The following COL4A6 variants were observed in gnomAD, a reference collection of about 807,000 sequenced individuals.
COL4A6 encodes collagen type IV alpha 6 chain, also known as collagen alpha-6(IV) chain.
Under a neutral mutation model 126.7 loss-of-function variants are expected in COL4A6, and 59 were observed. The observed-to-expected ratio is 0.47, with a 90% CI of 0.38 to 0.58. The LOEUF (loss-of-function observed/expected upper bound fraction) is 0.58. COL4A6 is among the 20% of genes least tolerant of loss of function. The probability of loss-of-function intolerance (pLI) is 0.00; values close to 1 mark genes in which losing one functional copy is unlikely to be tolerated. For synonymous variants in COL4A6, 547 were observed against 496.6 expected, an observed-to-expected ratio of 1.10 and a Z score of -1.35; for missense variants, 1,285 against 1,337.3, an observed-to-expected ratio of 0.96 and a Z score of 0.61.
chrX:108,351,436 C>G (rs1334620774), intron 2 of COL4A6, among the ~76,000 whole-genome samples: 41 of 82,265 alleles, frequency 5.0e-4, no homozygotes, highest in African/African-American at 2.0e-3. Flanking sequence ...AGGTAACTCT[C>G]TCTCTCTGTG....
In COL4A6 at chrX:108,438,389, C is replaced by A. The variant is rs2064313494; in HGVS notation, c.-193G>T. On this transcript the variant is annotated 5_prime_UTR_variant, in exon 1 of 45. Coordinates refer to ENST00000334504, the MANE Select transcript of COL4A6 (RefSeq NM_033641.4). ...GTGCTCCAAAGGGAAACAGGCTCAG[C>A]GGTGCCCGTTACAACTTGCAGCACT... The A allele has an allele frequency of 1.9e-6, 2 of 1,048,581 alleles. No homozygotes were observed. Among genetic ancestry groups the A allele is most frequent in the East Asian group, 7.2e-5 (2 of 27,881 alleles). 86.4% of individuals were successfully genotyped at this position (1,048,581 alleles called of 1,213,427 possible).
At chrX:108,427,168 C>T (rs1053929769) in intron 2 of COL4A6, among the ~76,000 whole-genome samples, 2 of 111,595 alleles carry the variant, frequency 1.8e-5, no homozygotes, top group South Asian at 3.8e-4. Flanking sequence ...TGAGGAGTTA[C>T]GGAGCAAGTA....
At chrX:108,187,036 A>T in intron 23 of COL4A6, 60 bp downstream of exon 23, 3 of 980,912 alleles carry the variant, frequency 3.1e-6, no homozygotes, top group Non-Finnish European at 4.0e-6. Context: ...CACCTGAGTC[A>T]TAACCACTCT....
At chrX:108,175,288 AT>A in intron 29 of COL4A6, 73 bp from the exon 30 acceptor site, 1 of 1,061,395 alleles carries the variant, frequency 9.4e-7, no homozygotes, top group Non-Finnish European at 1.2e-6. Flanking sequence ...CTTTCACATC[AT>A]TTCTTCCCAT....
intron 13 of COL4A6, among the ~76,000 whole-genome samples, chrX:108,201,779 G>T (rs1320362835): frequency 1.8e-5 from 2 of 111,233 alleles, no homozygotes. Context: ...ACCATCTCTT[G>T]CCTGGACTAC....
chrX:108,351,440 C>CTG (rs574111228), intron 2 of COL4A6, among the ~76,000 whole-genome samples: 2,582 of 97,778 alleles, frequency 0.026, 44 homozygotes, highest in African/African-American at 0.064. Context: ...AACTCTCTCT[C>CTG]TCTGTGTGTG....
rs1201978375 is a variant in COL4A6 at position 108,178,784 on chromosome X, T to C, written c.2415A>G (p.Pro805=). 1 of 1,211,846 alleles carries C rather than the reference T, an allele frequency of 8.3e-7. No individual in the cohort carries two copies. Among genetic ancestry groups the C allele is most frequent in the Admixed American group, 2.2e-5 (1 of 46,116 alleles). ...PKGERGSPGT[P]GQVGQPGTPG... ...GGGTGCCTGGCTGTCCCACCTGTCC[T>C]GGTGTCCCAGGGCTGCCCCGCTCAC... is the stretch of plus-strand genomic sequence containing the variant. Residue 805 remains proline (P), a synonymous_variant, in exon 27 of 45, where the codon CCA becomes CCG. Coordinates refer to ENST00000334504, the MANE Select transcript of COL4A6 (RefSeq NM_033641.4).
rs751086905 is a variant in COL4A6 at position 108,409,759 on chromosome X, C to T, written c.63+28183G>A. 5.4e-5 allele frequency among the ~76,000 whole-genome samples: 6 copies of T among 112,126 alleles called. No homozygotes were observed. In the Admixed American group the frequency reaches 5.6e-4, roughly 11 times the overall value. On this transcript the variant is annotated intron_variant, in intron 2 of 44. Coordinates refer to ENST00000334504, the MANE Select transcript of COL4A6 (RefSeq NM_033641.4). ...ATCAGGCAGAGAATGGGTTGGATGACGAATGTCTTGCTGAAAGCTATGCCC... is the reference window on the plus strand; with the variant it reads ...ATCAGGCAGAGAATGGGTTGGATGATGAATGTCTTGCTGAAAGCTATGCCC...
At chrX:108,398,658 A>ATAGG (rs1359935451) in intron 2 of COL4A6, among the ~76,000 whole-genome samples, 4 of 111,328 alleles carry the variant, frequency 3.6e-5, no homozygotes, top group African/African-American at 1.3e-4. Flanking sequence ...AATAGGACCT[A>ATAGG]TAGGATTACC....
chrX:108,412,634 TC>T (rs2041354989), intron 2 of COL4A6, among the ~76,000 whole-genome samples: 1 of 111,808 alleles, frequency 8.9e-6, no homozygotes, highest in South Asian at 3.7e-4. Context: ...CTTTGTCTCT[TC>T]TGTTGCCTTC....
chrX:108,330,554 A>G (rs1321414010), intron 2 of COL4A6, among the ~76,000 whole-genome samples: 2 of 111,384 alleles, frequency 1.8e-5, no homozygotes, highest in Non-Finnish European at 3.8e-5. Context: ...CAAACTAAGT[A>G]CTGATAGAGC....
intron 2 of COL4A6, among the ~76,000 whole-genome samples, chrX:108,408,700 G>A (rs1236900981): frequency 1.8e-5 from 2 of 111,659 alleles, no homozygotes; most frequent in African/African-American, 3.3e-5. Flanking sequence ...GGTGGCTCAC[G>A]CCTGTAATCC....
In COL4A6 at chrX:108,183,511, G is replaced by A. The variant is rs968317657; in HGVS notation, c.1952-2543C>T. Among the ~76,000 whole-genome samples the A allele has an allele frequency of 5.4e-5, 6 of 111,459 alleles. No individual in the cohort carries two copies. In the South Asian group the frequency reaches 1.2e-3, roughly 21 times the overall value. ...AGAGACTGCATGCCCACTCAATCCCGTACTGCCTGCTGTAAGAGGTATGTG... is the reference window on the plus strand; with the variant it reads ...AGAGACTGCATGCCCACTCAATCCCATACTGCCTGCTGTAAGAGGTATGTG... On this transcript the variant is annotated intron_variant, in intron 23 of 44. Transcript: ENST00000334504.
chrX:108,167,870 T>C (rs761777209), intron 37 of COL4A6, among the ~76,000 whole-genome samples: 1 of 112,347 alleles, frequency 8.9e-6, no homozygotes, highest in East Asian at 2.8e-4. Context: ...TAAGAAGATG[T>C]CACTTGTTTT....
At chrX:108,174,801 GCTATA>G (rs2034427775) in intron 30 of COL4A6, among the ~76,000 whole-genome samples, 180 bp from the exon 31 acceptor site, 1 of 111,582 alleles carries the variant, frequency 9.0e-6, no homozygotes, top group African/African-American at 3.3e-5. Flanking sequence ...AGTTGCTTCT[GCTATA>G]CCACTGGGAA....
At chrX:108,403,484 CTT>C (rs1396543223) in intron 2 of COL4A6, among the ~76,000 whole-genome samples, 1 of 110,341 alleles carries the variant, frequency 9.1e-6, no homozygotes, top group African/African-American at 3.3e-5. Flanking sequence ...TATTGCTACT[CTT>C]GTTTTTCTAT....
chrX:108,267,899 A>T (rs2037352276), intron 3 of COL4A6: 4 of 112,783 alleles, frequency 3.5e-5, no homozygotes, highest in African/African-American at 1.3e-4. Flanking sequence ...AAAGCATTGA[A>T]CTTAGTTTTC....
intron 2 of COL4A6, among the ~76,000 whole-genome samples, chrX:108,398,010 T>C (rs1013783017): frequency 8.9e-6 from 1 of 112,804 alleles, no homozygotes; most frequent in Admixed American, 9.4e-5. Context: ...TGTTAGACGA[T>C]GTGAGAGTTT....
chrX:108,363,621 T>C (rs1353304627), intron 2 of COL4A6, among the ~76,000 whole-genome samples: 4 of 112,176 alleles, frequency 3.6e-5, no homozygotes, highest in Non-Finnish European at 5.6e-5. Context: ...AACAAAACCA[T>C]GTGCATGTAC....
Sources: allele counts gnomAD v4.1 joint callset (sites outside exome capture counted in the v4.1 genomes callset), GRCh38; gene constraint gnomAD v4.1.1; transcripts MANE v1.5; gene names NCBI Gene and HGNC (gene_info 2026-07-23, HGNC 2026-07-21).